Variants in CDC73 observed in about 807,000 individuals in gnomAD.
The protein encoded by CDC73 is cell division cycle 73.
In CDC73, 21 loss-of-function variants were observed where a neutral mutation model predicts 83.7. That is an observed-to-expected ratio of 0.25 (90% CI 0.18 to 0.36). The LOEUF (loss-of-function observed/expected upper bound fraction) is 0.36. CDC73 is among the 10% of genes least tolerant of loss of function. The pLI is 1.00. For missense variants in CDC73, 342 were observed against 653.3 expected (o/e 0.52, Z 5.19); for synonymous variants, 224 against 212.9 (o/e 1.05, Z -0.45).
chr1:193,145,727 G>A (rs951477186), intron 7 of CDC73, among the ~76,000 whole-genome samples: 1 of 152,140 alleles, frequency 6.6e-6, no homozygotes, highest in Non-Finnish European at 1.5e-5. Flanking sequence ...ACTTATATTT[G>A]CTGCTCCAGA....
chr1:193,133,345 A>G (rs1258050676), intron 3 of CDC73, among the ~76,000 whole-genome samples: 1 of 152,204 alleles, frequency 6.6e-6, no homozygotes, highest in Non-Finnish European at 1.5e-5. Context: ...TTGGTTCTTA[A>G]TTTATACATT....
chr1:193,178,804 G>GT (rs1676657393), intron 10 of CDC73, among the ~76,000 whole-genome samples: 5 of 152,152 alleles, frequency 3.3e-5, no homozygotes. Context: ...AACAGTTTTA[G>GT]TGTTTTCAAG....
intron 7 of CDC73, among the ~76,000 whole-genome samples, chr1:193,147,144 C>G (rs940975851): frequency 3.3e-5 from 5 of 151,914 alleles, no homozygotes; most frequent in African/African-American, 1.2e-4. Flanking sequence ...AGGTGTCCAC[C>G]ACCACGCCCA....
At chr1:193,202,204 G>A (rs1289260198) in intron 10 of CDC73, among the ~76,000 whole-genome samples, 3 of 148,928 alleles carry the variant, frequency 2.0e-5, no homozygotes, top group African/African-American at 4.8e-5. Flanking sequence ...GCTGGCTTCT[G>A]ATTTTTTTAA....
At chr1:193,172,754 G>T (rs1319683888) in intron 10 of CDC73, among the ~76,000 whole-genome samples, 1 of 151,962 alleles carries the variant, frequency 6.6e-6, no homozygotes, top group Non-Finnish European at 1.5e-5. Context: ...TGAATTGTCA[G>T]GTCCACCTAA....
chr1:193,146,221 T>C (rs1479591131), intron 7 of CDC73, among the ~76,000 whole-genome samples: 1 of 152,128 alleles, frequency 6.6e-6, no homozygotes, highest in Non-Finnish European at 1.5e-5. Context: ...TCTTACTACA[T>C]ATTCCTTCAA....
At chr1:193,219,255 G>A (rs1264698325) in intron 13 of CDC73, among the ~76,000 whole-genome samples, 4 of 152,164 alleles carry the variant, frequency 2.6e-5, no homozygotes, top group Admixed American at 6.5e-5. Flanking sequence ...ATCTTGGTGA[G>A]GTTGTGGAGA....
At chr1:193,163,334 C>T (rs1052614300) in intron 10 of CDC73, among the ~76,000 whole-genome samples, 2 of 151,708 alleles carry the variant, frequency 1.3e-5, no homozygotes, top group African/African-American at 2.4e-5. Context: ...GGCAAAATCC[C>T]GCCTCTACAA....
At chr1:193,213,785 C>A (rs1677316318) in intron 13 of CDC73, among the ~76,000 whole-genome samples, 1 of 152,082 alleles carries the variant, frequency 6.6e-6, no homozygotes, top group African/African-American at 2.4e-5. Flanking sequence ...GAAGTTACGT[C>A]CTTCCAGAGT....
intron 9 of CDC73, among the ~76,000 whole-genome samples, chr1:193,151,201 G>A (rs1254246097): frequency 6.6e-6 from 1 of 152,258 alleles, no homozygotes; most frequent in East Asian, 1.9e-4. Flanking sequence ...GGAAGTTAAT[G>A]ATATTTTTAA....
intron 10 of CDC73, among the ~76,000 whole-genome samples, chr1:193,168,548 CAG>C (rs1378315531): frequency 4.7e-5 from 7 of 149,300 alleles, no homozygotes; most frequent in Non-Finnish European, 8.9e-5. Context: ...TTTTTTGAGA[CAG>C]AGTCTCTCTC....
chr1:193,122,854 C>T (rs4450000), intron 1 of CDC73, among the ~76,000 whole-genome samples: 2 of 151,890 alleles, frequency 1.3e-5, no homozygotes, highest in Non-Finnish European at 2.9e-5. Context: ...AAGTTAGGAC[C>T]GGAAAGAAAT....
intron 10 of CDC73, among the ~76,000 whole-genome samples, chr1:193,175,494 C>G (rs546592151): frequency 2.0e-5 from 3 of 152,056 alleles, no homozygotes; most frequent in Non-Finnish European, 2.9e-5. Context: ...ACTTCATATC[C>G]GTGGGTTCCA....
intron 11 of CDC73, among the ~76,000 whole-genome samples, chr1:193,204,403 C>T (rs1677150842): frequency 6.6e-6 from 1 of 151,514 alleles, no homozygotes; most frequent in Non-Finnish European, 1.5e-5. Context: ...CATTCTCCTG[C>T]CTCAGCCTCC....
chr1:193,182,646 T>C (rs1676736501), intron 10 of CDC73, among the ~76,000 whole-genome samples: 1 of 152,122 alleles, frequency 6.6e-6, no homozygotes, highest in Non-Finnish European at 1.5e-5. Context: ...TTTAAAAAGG[T>C]TATGAGATGG....
At position 193,234,191 on chromosome 1, in the gene CDC73, A is replaced by T. The variant is rs867748813; in HGVS notation, c.1316+1037A>T. 9.9e-3 allele frequency among the ~76,000 whole-genome samples: 1,156 copies of T among 117,034 alleles called. 7 individuals are homozygous for T. The highest frequency in any genetic ancestry group is 0.018 in the South Asian group (68 of 3,798). 76.8% of individuals were successfully genotyped at this position (117,034 alleles called of 152,430 possible). ...CTCTCTCTCTCACACACACACACAC[A>T]CACACACACACACACACACACACAC... On this transcript the variant is annotated intron_variant, in intron 14 of 16. Transcript: ENST00000367435.
At chr1:193,225,280 A>G (rs1285162262) in intron 13 of CDC73, among the ~76,000 whole-genome samples, 2 of 149,542 alleles carry the variant, frequency 1.3e-5, no homozygotes. Flanking sequence ...ATATCCACAT[A>G]CTACGGTTTC....
chr1:193,230,527 A>G (rs1177403094), intron 13 of CDC73, among the ~76,000 whole-genome samples: 1 of 147,976 alleles, frequency 6.8e-6, no homozygotes, highest in African/African-American at 2.5e-5. Flanking sequence ...TAAAAATGGA[A>G]GATAGCAATA....
chr1:193,193,802 T>C (rs1476822568), intron 10 of CDC73, among the ~76,000 whole-genome samples: 1 of 151,208 alleles, frequency 6.6e-6, no homozygotes. Flanking sequence ...TGTGTGTGTG[T>C]GTGTGTGTGT....
Sources: allele counts gnomAD v4.1 joint callset (sites outside exome capture counted in the v4.1 genomes callset), GRCh38; gene constraint gnomAD v4.1.1; transcripts MANE v1.5; gene names NCBI Gene and HGNC (gene_info 2026-07-23, HGNC 2026-07-21).